The following BRWD3 variants were observed in gnomAD, a reference collection of about 807,000 sequenced individuals.
BRWD3 encodes the protein bromodomain and WD repeat-containing protein 3.
A neutral mutation model predicts 149.7 loss-of-function variants in BRWD3; 10 were observed. The observed-to-expected ratio is 0.07, with a 90% confidence interval of 0.04 to 0.11. BRWD3 has a LOEUF of 0.11. Ranked by LOEUF, BRWD3 falls within the 10% of genes least tolerant of loss-of-function variation. The pLI is 1.00. For synonymous variants in BRWD3, 504 were observed against 456.7 expected, an observed-to-expected ratio of 1.10 and a Z score of -1.32; for missense variants, 940 against 1,373.2, an observed-to-expected ratio of 0.68 and a Z score of 4.99.
At chrX:80,791,342 C>A (rs1015225834) in intron 6 of BRWD3, among the ~76,000 whole-genome samples, 3 of 111,564 alleles carry the variant, frequency 2.7e-5, no homozygotes, top group African/African-American at 9.8e-5. Context: ...GTATCTAGAT[C>A]TCTTTGGGAA....
chrX:80,725,499 C>A (rs1214116070), intron 14 of BRWD3, among the ~76,000 whole-genome samples: 1 of 112,303 alleles, frequency 8.9e-6, no homozygotes, highest in Non-Finnish European at 1.9e-5. Flanking sequence ...ATGATACATT[C>A]AAAGGATAAA....
At chrX:80,804,552 T>C (rs2074332106) in intron 4 of BRWD3, among the ~76,000 whole-genome samples, 2 of 112,046 alleles carry the variant, frequency 1.8e-5, no homozygotes, top group African/African-American at 6.5e-5. Flanking sequence ...TTCAGTCTTA[T>C]GATACGAGAC....
At chrX:80,773,335 C>A (rs1195227332) in intron 6 of BRWD3, among the ~76,000 whole-genome samples, 5 of 111,196 alleles carry the variant, frequency 4.5e-5, no homozygotes, top group Non-Finnish European at 9.4e-5. Context: ...TTCTGCTATT[C>A]CTTTAGCCTT....
intron 13 of BRWD3, 124 bp downstream of exon 13, chrX:80,729,792 A>C (rs1269243433): frequency 2.1e-5 from 11 of 529,568 alleles, no homozygotes; most frequent in Non-Finnish European, 3.6e-5. Context: ...GTACAGATGC[A>C]AACTTCATGT....
At chrX:80,787,106 T>C (rs2074116574) in intron 6 of BRWD3, among the ~76,000 whole-genome samples, 1 of 110,552 alleles carries the variant, frequency 9.0e-6, no homozygotes, top group Admixed American at 9.7e-5. Flanking sequence ...ATCTTAAAAA[T>C]ACAAATTAAA....
At chrX:80,741,719 T>G (rs142314936) in intron 8 of BRWD3, among the ~76,000 whole-genome samples, 2,902 of 112,277 alleles carry the variant, frequency 0.026, 45 homozygotes, top group Non-Finnish European at 0.038. Context: ...TTTTGAGAAG[T>G]GTCTCTTCAT....
intron 6 of BRWD3, among the ~76,000 whole-genome samples, chrX:80,763,634 G>A (rs975408356): frequency 6.3e-5 from 7 of 111,643 alleles, no homozygotes; most frequent in Non-Finnish European, 1.1e-4. Flanking sequence ...ATCTATTTAC[G>A]ATCACGCCAA....
intron 17 of BRWD3, among the ~76,000 whole-genome samples, chrX:80,721,830 C>G (rs895712572): frequency 9.0e-6 from 1 of 111,516 alleles, no homozygotes; most frequent in Non-Finnish European, 1.9e-5. Flanking sequence ...ATAGCTACCT[C>G]CAGCTGCGGG....
intron 17 of BRWD3, among the ~76,000 whole-genome samples, chrX:80,721,703 A>G (rs772944369): frequency 5.1e-4 from 57 of 112,089 alleles, no homozygotes; most frequent in African/African-American, 1.7e-3. Context: ...TTCCTATCAT[A>G]TATCACATTC....
chrX:80,723,980 A>G (rs2073186214), intron 15 of BRWD3, 104 bp from the exon 16 acceptor site: 2 of 903,381 alleles, frequency 2.2e-6, no homozygotes, highest in African/African-American at 1.9e-5. Flanking sequence ...ATACACAAAC[A>G]TTCCAAAGTA....
At chrX:80,788,861 CT>C (rs773692825) in intron 6 of BRWD3, among the ~76,000 whole-genome samples, 5 of 111,834 alleles carry the variant, frequency 4.5e-5, no homozygotes, top group Non-Finnish European at 9.4e-5. Flanking sequence ...TACTTACTAC[CT>C]GATTTAATTT....
chrX:80,761,501 G>A (rs963765724), intron 6 of BRWD3, among the ~76,000 whole-genome samples: 1 of 111,824 alleles, frequency 8.9e-6, no homozygotes, highest in Non-Finnish European at 1.9e-5. Flanking sequence ...TGGTAATCAG[G>A]TGTAAAGCAA....
chrX:80,717,759 G>A lies in BRWD3; in HGVS notation c.2045C>T (p.Ala682Val). The A allele has an allele frequency of 8.3e-7, 1 of 1,209,470 alleles. No individual in the cohort carries two copies. The highest frequency in any genetic ancestry group is 1.7e-5 in the African/African-American group (1 of 57,677). ...PVNRAYSVNG[A>V]LRSPNMDISS... ...TATGTCCATGTTTGGACTTCTCAGA[G>A]CTAAAACAAAAACAAGGAAAATTAT... is the stretch of plus-strand genomic sequence containing the variant. The change falls in exon 19 of 41, where the codon GCT becomes GTT. Residue 682 changes from alanine (A) to valine (V), a missense_variant and splice_region_variant. Transcript: ENST00000373275.
chrX:80,762,830 G>C (rs1162570619), intron 6 of BRWD3, among the ~76,000 whole-genome samples: 1 of 111,187 alleles, frequency 9.0e-6, no homozygotes, highest in Non-Finnish European at 1.9e-5. Context: ...GAATTTTGTA[G>C]AATGTCTAGC....
chrX:80,753,263 T>C (rs1175885977), intron 6 of BRWD3, among the ~76,000 whole-genome samples: 1 of 98,323 alleles, frequency 1.0e-5, no homozygotes, highest in Non-Finnish European at 2.0e-5. Flanking sequence ...TTGTTGCCTG[T>C]GCTTTTCAGT....
chrX:80,777,151 C>A, intron 6 of BRWD3, among the ~76,000 whole-genome samples: 1 of 109,533 alleles, frequency 9.1e-6, no homozygotes, highest in East Asian at 2.9e-4. Context: ...AGACCCCCCC[C>A]CACGAAAAAC....
chrX:80,750,893 C>CAT (rs1555977578), intron 6 of BRWD3, among the ~76,000 whole-genome samples: 215 of 107,126 alleles, frequency 2.0e-3, no homozygotes, highest in East Asian at 6.2e-3. Flanking sequence ...CACACACACA[C>CAT]GCAAAAATCA....
chrX:80,808,519 G>A lies in BRWD3; in HGVS notation c.180+20C>T. 2.5e-6 allele frequency: 3 copies of A among 1,197,604 alleles called. No homozygotes were observed. Among genetic ancestry groups the A allele is most frequent in the Non-Finnish European group, 3.4e-6 (3 of 884,777 alleles). On this transcript the variant is annotated intron_variant, in intron 4 of 40. Coordinates refer to ENST00000373275, the MANE Select transcript of BRWD3 (RefSeq NM_153252.5). ...AGTGGTGAAAGAGTTAGGTTAAGTT[G>A]AAATGAAAACTTTACTCACCAGATC...
chrX:80,771,982 G>A (rs1370546721), intron 6 of BRWD3, among the ~76,000 whole-genome samples: 1 of 111,635 alleles, frequency 9.0e-6, no homozygotes, highest in African/African-American at 3.3e-5. Flanking sequence ...ATGCTGGAGA[G>A]GATGTGGAAA....
Sources: allele counts gnomAD v4.1 joint callset (sites outside exome capture counted in the v4.1 genomes callset), GRCh38; gene constraint gnomAD v4.1.1; transcripts MANE v1.5; gene names NCBI Gene and HGNC (gene_info 2026-07-23, HGNC 2026-07-21).